NKD1: variants seen among roughly 807,000 people sequenced by gnomAD.
NKD1 encodes the protein NKD inhibitor of Wnt signaling pathway 1.
In NKD1, 21 loss-of-function variants were observed where a neutral mutation model predicts 56.0. The observed-to-expected ratio is 0.38, with a 90% CI of 0.27 to 0.54. The LOEUF is 0.54. Ranked by LOEUF, NKD1 falls within the 20% of genes least tolerant of loss-of-function variation. The pLI, the probability that NKD1 is intolerant of heterozygous loss-of-function variation, is 0.82. For synonymous variants in NKD1, 263 were observed against 265.7 expected (o/e 0.99, Z 0.10); for missense variants, 578 against 642.7 (o/e 0.90, Z 1.09).
rs545303992 is a variant in NKD1 at position 50,616,928 on chromosome 16, C to T, written c.260-4674C>T. On this transcript the variant is annotated intron_variant, in intron 4 of 9. Transcript: ENST00000268459. ...CAGTGCACAGCCTGCTTCTTGGATCCGGTCTCCTAGTGACCTCAAGTGACC... is the reference window on the plus strand; with the variant it reads ...CAGTGCACAGCCTGCTTCTTGGATCTGGTCTCCTAGTGACCTCAAGTGACC... 3.2e-4 allele frequency among the ~76,000 whole-genome samples: 48 copies of T among 152,320 alleles called. No homozygotes were observed. The South Asian group carries it at 3.7e-3, about 12-fold the overall frequency.
At chr16:50,628,558 A>C (rs1180635094) in intron 6 of NKD1, among the ~76,000 whole-genome samples, 1 of 152,188 alleles carries the variant, frequency 6.6e-6, no homozygotes, top group Non-Finnish European at 1.5e-5. Context: ...CAGACAAGTG[A>C]CCACAGCAGA....
chr16:50,561,419 T>C (rs1183257688), intron 3 of NKD1, among the ~76,000 whole-genome samples: 1 of 151,554 alleles, frequency 6.6e-6, no homozygotes, highest in Non-Finnish European at 1.5e-5. Flanking sequence ...GTCCAAAGAT[T>C]AGTGACTTGA....
intron 3 of NKD1, chr16:50,570,826 T>C: frequency 1.0e-6 from 1 of 985,438 alleles, no homozygotes; most frequent in Non-Finnish European, 1.2e-6. Context: ...GGGAAATGTG[T>C]TGCCAGGAGT....
intron 4 of NKD1, among the ~76,000 whole-genome samples, chr16:50,618,752 G>A (rs996845029): frequency 2.0e-5 from 3 of 152,300 alleles, no homozygotes; most frequent in South Asian, 2.1e-4. Flanking sequence ...TTCACTGACC[G>A]TCGGCTGACC....
intron 3 of NKD1, among the ~76,000 whole-genome samples, chr16:50,577,344 T>C (rs535270034): frequency 2.3e-4 from 35 of 152,336 alleles, no homozygotes; most frequent in African/African-American, 7.7e-4. Flanking sequence ...TATTGAGATA[T>C]GATTGACTTG....
At chr16:50,611,779 C>T (rs992979681) in intron 4 of NKD1, among the ~76,000 whole-genome samples, 2 of 152,236 alleles carry the variant, frequency 1.3e-5, no homozygotes, top group Admixed American at 6.5e-5. Context: ...TTGGGTGAGT[C>T]ACTTCCCTGT....
At chr16:50,591,449 G>T (rs529234861) in intron 3 of NKD1, among the ~76,000 whole-genome samples, 1 of 152,346 alleles carries the variant, frequency 6.6e-6, no homozygotes, top group South Asian at 2.1e-4. Flanking sequence ...TTGCAAGTGG[G>T]CAGTGGCCCT....
chr16:50,638,366 A>T lies in NKD1; in HGVS notation c.*4585A>T, dbSNP rs1297114327. ...CTGCACACCCGAAAGACCCCAAGGC[A>T]GTCTGCCCCTTGTCCAGCCACACGC... On this transcript the variant is annotated 3_prime_UTR_variant, in exon 10 of 10. Transcript: ENST00000268459. The T allele has an allele frequency of 6.6e-6, 1 of 152,478 alleles. No individual in the cohort carries two copies. Among genetic ancestry groups the T allele is most frequent in the Non-Finnish European group, 1.5e-5 (1 of 68,198 alleles). The allele number at this position is 152,478 out of a possible 1,614,324, so 9.4% of individuals were successfully genotyped here. A position where few individuals can be genotyped will look rare whatever the true frequency, so the allele number is the denominator to read the frequency against.
intron 3 of NKD1, chr16:50,607,870 A>C: frequency 5.3e-6 from 1 of 187,010 alleles, no homozygotes; most frequent in African/African-American, 2.3e-5. Flanking sequence ...GACATCCTAG[A>C]AATTTCCCAG....
chr16:50,616,169 A>C, intron 4 of NKD1: 1 of 432,176 alleles, frequency 2.3e-6, no homozygotes, highest in Admixed American at 2.4e-5. Flanking sequence ...CAGGGCGAGC[A>C]TCCAGACTCT....
At position 50,625,517 on chromosome 16, in the gene NKD1, C is replaced by G; in HGVS notation, c.399C>G (p.Asp133Glu). 6.2e-7 allele frequency: 1 copy of G among 1,613,934 alleles called. No individual in the cohort carries two copies. Among genetic ancestry groups the G allele is most frequent in the Non-Finnish European group, 8.5e-7 (1 of 1,179,860 alleles). ...ELQCDVSMEE[D>E]SRQEWTFTLY... ...AGTGCGACGTGTCCATGGAGGAGGACAGCCGGCAGGAGTGGACCTTCACCC... is the reference window on the plus strand; with the variant it reads ...AGTGCGACGTGTCCATGGAGGAGGAGAGCCGGCAGGAGTGGACCTTCACCC... The change falls in exon 6 of 10, where the codon GAC becomes GAG. Residue 133 changes from aspartate to glutamate, a missense_variant. Physicochemically the swap from Asp to Glu is conservative, Grantham distance 45. Transcript: ENST00000268459.
intron 3 of NKD1, among the ~76,000 whole-genome samples, chr16:50,573,253 C>A (rs1395759021): frequency 6.6e-6 from 1 of 152,246 alleles, no homozygotes; most frequent in African/African-American, 2.4e-5. Flanking sequence ...ACCACACAAT[C>A]TCAATCCCTG....
chr16:50,632,558 C>T lies in NKD1; in HGVS notation c.823+150C>T, dbSNP rs1018656547. 4.5e-5 allele frequency: 33 copies of T among 740,830 alleles called. 1 individual carries two copies. Among genetic ancestry groups the T allele is most frequent in the Admixed American group, 3.4e-4 (12 of 35,282 alleles). The allele number at this position is 740,830 out of a possible 1,614,324, so 45.9% of individuals were successfully genotyped here. On this transcript the variant is annotated intron_variant, in intron 9 of 9. Transcript: ENST00000268459. The surrounding 1 kb of genome is among the most constrained non-coding windows in gnomAD (Gnocchi z 4.1). ...GTCAAAGACTTCTTGGAGAAAGTGA[C>T]GTTAAAAATGGTTTCAAAATTAAAG...
intron 4 of NKD1, among the ~76,000 whole-genome samples, chr16:50,618,888 C>T (rs1317405144): frequency 1.3e-5 from 2 of 152,090 alleles, no homozygotes; most frequent in African/African-American, 4.8e-5. Flanking sequence ...TGTTTTCCAG[C>T]CCCTTCAGGT....
chr16:50,556,248 T>G (rs181613966), intron 3 of NKD1: 6 of 152,428 alleles, frequency 3.9e-5, no homozygotes, highest in Non-Finnish European at 8.8e-5. Context: ...AGCCTGGTGA[T>G]GCTGCGCTCC....
At chr16:50,601,155 G>A (rs150319894) in intron 3 of NKD1, among the ~76,000 whole-genome samples, 53 of 152,352 alleles carry the variant, frequency 3.5e-4, no homozygotes, top group African/African-American at 1.2e-3. Context: ...AGTGGAGTCT[G>A]CGGGTGAAGC....
At chr16:50,604,534 G>A (rs889417263) in intron 3 of NKD1, among the ~76,000 whole-genome samples, 1 of 152,194 alleles carries the variant, frequency 6.6e-6, no homozygotes, top group African/African-American at 2.4e-5. Context: ...CGCTTCACAT[G>A]CAATGACTTC....
intron 4 of NKD1, among the ~76,000 whole-genome samples, chr16:50,619,489 C>T (rs1962038482): frequency 6.6e-6 from 1 of 152,148 alleles, no homozygotes; most frequent in South Asian, 2.1e-4. Context: ...AGTCAAGGGC[C>T]TTGTCCAAAG....
At chr16:50,571,586 G>T (rs757565860) in intron 3 of NKD1, 1 of 945,958 alleles carries the variant, frequency 1.1e-6, no homozygotes, top group Non-Finnish European at 1.3e-6. Context: ...GCTCAGAGAG[G>T]CATCCTGGGG....
Sources: allele counts gnomAD v4.1 joint callset (sites outside exome capture counted in the v4.1 genomes callset), GRCh38; gene constraint gnomAD v4.1.1; non-coding constraint Gnocchi (gnomAD v3.1); transcripts MANE v1.5; gene names NCBI Gene and HGNC (gene_info 2026-07-23, HGNC 2026-07-21).